Variants in ZFHX3 observed in about 807,000 individuals in gnomAD.
ZFHX3 encodes zinc finger homeobox protein 3.
A neutral mutation model predicts 279.1 loss-of-function variants in ZFHX3; 42 were observed. That is an observed-to-expected ratio of 0.15 (90% confidence interval 0.12 to 0.19). The LOEUF is 0.19. Among genes scored for constraint, ZFHX3 ranks in the 10% least tolerant of loss-of-function variants. The pLI, the probability that ZFHX3 is intolerant of heterozygous loss-of-function variation, is 1.00. For missense variants in ZFHX3, 4,981 were observed against 4,754.0 expected, an observed-to-expected ratio of 1.05 and a Z score of -1.40; for synonymous variants, 2,293 against 1,957.8, an observed-to-expected ratio of 1.17 and a Z score of -4.52.
chr16:73,452,382 T>C (rs1486200929), intron 3 of ZFHX3, among the ~76,000 whole-genome samples: 1 of 152,184 alleles, frequency 6.6e-6, no homozygotes, highest in Non-Finnish European at 1.5e-5. Context: ...TATATAAAAA[T>C]CACCTTTTTA....
In ZFHX3 at chr16:73,197,924, G is replaced by GTTTTTTTTTTTT. The variant is rs71156148; in HGVS notation, c.-1103-54105_-1103-54094dup. Reference sequence around the variant, plus strand: ...GATAAGTAGAGTATCTGATTTGGTGGTTTTTTTTTTTTTTTTTTTTTTTTT... The same window carrying GTTTTTTTTTTTT: ...GATAAGTAGAGTATCTGATTTGGTGGTTTTTTTTTTTTTTTTTTTTTTTTTTTTTTTTTTTTT... On this transcript the variant is annotated intron_variant, in intron 5 of 17. Transcript: ENST00000641206. 2.6e-4 allele frequency among the ~76,000 whole-genome samples: 14 copies of GTTTTTTTTTTTT among 53,782 alleles called. 1 individual carries two copies. Among genetic ancestry groups the GTTTTTTTTTTTT allele is most frequent in the Non-Finnish European group, 2.3e-4 (7 of 29,966 alleles). 35.3% of individuals were successfully genotyped at this position (53,782 alleles called of 152,430 possible). A position where few individuals can be genotyped will look rare whatever the true frequency, so the allele number is the denominator to read the frequency against.
At chr16:73,413,247 G>C (rs1202585567) in intron 3 of ZFHX3, among the ~76,000 whole-genome samples, 1 of 152,218 alleles carries the variant, frequency 6.6e-6, no homozygotes, top group Non-Finnish European at 1.5e-5. Flanking sequence ...GGATTCCCCA[G>C]GCATTCCAGA....
chr16:73,287,692 CTGTGTGGCTGTGTGGGTCAG>C (rs1188438705), intron 4 of ZFHX3, among the ~76,000 whole-genome samples: 1 of 95,938 alleles, frequency 1.0e-5, no homozygotes, highest in Non-Finnish European at 2.1e-5. Flanking sequence ...GCGTGTGTGG[CTGTGTGGCTGTGTGGGTCAG>C]TGTGTGGCTG....
intron 4 of ZFHX3, among the ~76,000 whole-genome samples, chr16:73,267,110 G>A (rs1324809934): frequency 6.6e-6 from 1 of 152,208 alleles, no homozygotes; most frequent in Non-Finnish European, 1.5e-5. Context: ...CAGCCTCAGG[G>A]CTGTGGTGTC....
At chr16:73,084,265 A>G (rs1338274509) in intron 8 of ZFHX3, among the ~76,000 whole-genome samples, 1 of 152,348 alleles carries the variant, frequency 6.6e-6, no homozygotes, top group East Asian at 1.9e-4. Context: ...AGAGAAAGAA[A>G]TAAAGTGCAT....
intron 4 of ZFHX3, among the ~76,000 whole-genome samples, chr16:73,280,594 A>G (rs1186218722): frequency 6.6e-6 from 1 of 152,138 alleles, no homozygotes; most frequent in African/African-American, 2.4e-5. Flanking sequence ...CATATTTTAA[A>G]AAAAAGGCAA....
exon 1 of ZFHX3, chr16:73,891,738 T>TTCTCTCTCTCTCTCTCTCTCTCTCTC (rs3082344): frequency 4.9e-5 from 7 of 141,862 alleles, no homozygotes; most frequent in Admixed American, 1.4e-4. Flanking sequence ...GGGTTTTTAG[T>TTCTCTCTCTCTCTCTCTCTCTCTCTC]TCTCTCTCTC....
intron 5 of ZFHX3, among the ~76,000 whole-genome samples, chr16:73,199,064 G>GT (rs1046617475): frequency 6.6e-5 from 10 of 152,242 alleles, no homozygotes; most frequent in Admixed American, 6.5e-5. Flanking sequence ...AGACCAGAGA[G>GT]TTTTACCTTC....
At chr16:73,065,029 T>A (rs1965728944) in intron 8 of ZFHX3, among the ~76,000 whole-genome samples, 1 of 152,222 alleles carries the variant, frequency 6.6e-6, no homozygotes, top group African/African-American at 2.4e-5. Context: ...TCGGTCGGGC[T>A]GTGTTCGCTT....
chr16:73,505,693 A>G (rs1168223118), intron 2 of ZFHX3, among the ~76,000 whole-genome samples: 2 of 152,208 alleles, frequency 1.3e-5, no homozygotes, highest in African/African-American at 2.4e-5. Context: ...TTCTTGCTCC[A>G]GCTCTCAGTC....
rs115995447 is a variant in ZFHX3 at position 72,960,487 on chromosome 16, G to A, written c.-49-293C>T. Reference sequence around the variant, plus strand: ...CACCGCTCTGCCCCTGAAGACTAGCGGGAATTTCCATTCTTTGCCAGCATA... The same window carrying A: ...CACCGCTCTGCCCCTGAAGACTAGCAGGAATTTCCATTCTTTGCCAGCATA... On this transcript the variant is annotated intron_variant, in intron 1 of 9. Coordinates refer to ENST00000268489, the MANE Select transcript of ZFHX3 (RefSeq NM_006885.4). Among the ~76,000 whole-genome samples the A allele has an allele frequency of 6.4e-3, 977 of 152,262 alleles. 7 individuals carry two copies. The highest frequency in any genetic ancestry group is 0.022 in the African/African-American group (900 of 41,552).
intron 1 of ZFHX3, among the ~76,000 whole-genome samples, chr16:72,992,474 A>T (rs1298458172): frequency 6.6e-6 from 1 of 152,160 alleles, no homozygotes; most frequent in African/African-American, 2.4e-5. Flanking sequence ...AGGCTGGGTA[A>T]TTAGCAACCA....
At chr16:73,000,562 G>A (rs985191181) in intron 1 of ZFHX3, among the ~76,000 whole-genome samples, 1 of 152,202 alleles carries the variant, frequency 6.6e-6, no homozygotes, top group Non-Finnish European at 1.5e-5. Flanking sequence ...CACACAAAAA[G>A]GGACAACTTC....
intron 5 of ZFHX3, among the ~76,000 whole-genome samples, chr16:73,155,132 C>G (rs1482481357): frequency 7.1e-6 from 1 of 140,864 alleles, no homozygotes; most frequent in Non-Finnish European, 1.5e-5. Flanking sequence ...AAGATTGGGC[C>G]ATTGCACTTC....
chr16:73,530,257 G>C (rs557392936), intron 2 of ZFHX3, among the ~76,000 whole-genome samples: 4 of 152,110 alleles, frequency 2.6e-5, no homozygotes, highest in Non-Finnish European at 5.9e-5. Context: ...GAACAGTATG[G>C]GGGAAATTGC....
At position 73,311,187 on chromosome 16, in the gene ZFHX3, C is replaced by T. The variant is rs577814609; in HGVS notation, c.-1194+7053G>A. ...GGCAGAGGTTGCAGAGAGCCAAGAT[C>T]GCACCACTGCAATCCAGACTGGGGG... is the stretch of plus-strand genomic sequence containing the variant. On this transcript the variant is annotated intron_variant, in intron 4 of 17. Coordinates refer to the ZFHX3 transcript ENST00000641206. Among the ~76,000 whole-genome samples the T allele has an allele frequency of 1.1e-4, 16 of 151,960 alleles. No individual in the cohort carries two copies. In the South Asian group the frequency reaches 2.5e-3, roughly 24 times the overall value.
At chr16:73,306,810 C>T (rs563529695) in intron 4 of ZFHX3, among the ~76,000 whole-genome samples, 158 of 152,310 alleles carry the variant, frequency 1.0e-3, no homozygotes, top group African/African-American at 3.4e-3. Flanking sequence ...TGGCTTCATG[C>T]GGTGGCCAAT....
At chr16:73,198,530 G>GA (rs1219225423) in intron 5 of ZFHX3, among the ~76,000 whole-genome samples, 24 of 1,210 alleles carry the variant, frequency 0.02, no homozygotes, top group African/African-American at 0.047. Context: ...AGCTTTCGTT[G>GA]ATTATCGAGA....
At chr16:73,672,714 A>G (rs1285616921) in intron 2 of ZFHX3, among the ~76,000 whole-genome samples, 2 of 147,608 alleles carry the variant, frequency 1.4e-5, no homozygotes, top group Non-Finnish European at 1.5e-5. Flanking sequence ...TTTTGTGGAC[A>G]TTAAAAGGAT....
Sources: gnomAD v4.1 joint callset for allele counts (sites outside exome capture counted in the v4.1 genomes callset) on GRCh38, gnomAD v4.1.1 for gene constraint, MANE v1.5 for transcripts, NCBI Gene and HGNC (gene_info 2026-07-23, HGNC 2026-07-21) for gene names.